SKP1: variants seen among roughly 807,000 people sequenced by gnomAD.
SKP1 encodes the protein S-phase kinase-associated protein 1.
A neutral mutation model predicts 21.5 loss-of-function variants in SKP1; 1 was observed. The observed-to-expected ratio is 0.05, with a 90% CI of 0.02 to 0.22. SKP1 has a LOEUF of 0.22. SKP1 is among the 10% of genes least tolerant of loss of function. The probability of loss-of-function intolerance (pLI) is 1.00; values close to 1 mark genes in which losing one functional copy is unlikely to be tolerated. For synonymous variants in SKP1, 59 were observed against 59.3 expected (o/e 0.99, Z 0.03); for missense variants, 70 against 192.0 (o/e 0.36, Z 3.76).
intron 2 of SKP1, among the ~76,000 whole-genome samples, chr5:134,169,512 A>G (rs1253044031): frequency 6.6e-6 from 1 of 152,254 alleles, no homozygotes; most frequent in Admixed American, 6.5e-5. Context: ...GGAAACATAC[A>G]GAAGACCAGC....
At chr5:134,163,651 G>A (rs1053502220) in intron 3 of SKP1, among the ~76,000 whole-genome samples, 20 of 151,840 alleles carry the variant, frequency 1.3e-4, no homozygotes, top group African/African-American at 4.6e-4. Context: ...TTTGCCAAGT[G>A]TGGTGGCATG....
In SKP1 at chr5:134,154,470, A is replaced by AAAAAC. The variant is rs1761093290; in HGVS notation, c.*3262_*3263insGTTTT. The AAAAAC allele has an allele frequency of 6.6e-6, 1 of 151,466 alleles. No homozygotes were observed. The highest frequency in any genetic ancestry group is 2.4e-5 in the African/African-American group (1 of 41,176). The allele number at this position is 151,466 out of a possible 1,614,324, so 9.4% of individuals were successfully genotyped here. On this transcript the variant is annotated 3_prime_UTR_variant, in exon 6 of 6. Transcript: ENST00000353411. ...CTCAAAAAAAAAAAAAAAAAAAAAA[A>AAAAAC]AATTATTAGAATTTGAGGGGGCACA...
chr5:134,173,235 G>A (rs1761479767), intron 2 of SKP1, among the ~76,000 whole-genome samples: 1 of 152,112 alleles, frequency 6.6e-6, no homozygotes, highest in Non-Finnish European at 1.5e-5. Flanking sequence ...GGGAGGCTGA[G>A]GCAGGAGAAT....
intron 2 of SKP1, among the ~76,000 whole-genome samples, chr5:134,172,261 T>TA (rs1436696737): frequency 6.6e-6 from 1 of 152,090 alleles, no homozygotes; most frequent in Non-Finnish European, 1.5e-5. Context: ...ATGTCTCACT[T>TA]ACCTTCTTTT....
Position 134,153,806 on chromosome 5 carries a change from T to C in SKP1, c.*3927A>G, listed in dbSNP as rs938723147. The C allele has an allele frequency of 1.3e-5, 2 of 152,226 alleles. No individual in the cohort carries two copies. The highest frequency in any genetic ancestry group is 2.9e-5 in the Non-Finnish European group (2 of 68,036). The allele number at this position is 152,226 out of a possible 1,614,324, so 9.4% of individuals were successfully genotyped here. A position where few individuals can be genotyped will look rare whatever the true frequency, so the allele number is the denominator to read the frequency against. On this transcript the variant is annotated 3_prime_UTR_variant, in exon 6 of 6. Coordinates refer to ENST00000353411, the MANE Select transcript of SKP1 (RefSeq NM_170679.3). ...TGAAAAATCAATGTGATTTGGAATA[T>C]CTGCCTGCCCTAAGTGAGATGCCCA... is the stretch of plus-strand genomic sequence containing the variant.
intron 2 of SKP1, among the ~76,000 whole-genome samples, chr5:134,171,988 G>A (rs1242130225): frequency 6.6e-6 from 1 of 152,202 alleles, no homozygotes; most frequent in Admixed American, 6.5e-5. Flanking sequence ...AGGTGGCAGT[G>A]AGCTGAGATT....
At chr5:134,167,093 G>T in intron 3 of SKP1, 77 bp downstream of exon 3, 1 of 721,252 alleles carries the variant, frequency 1.4e-6, no homozygotes, top group South Asian at 1.8e-5. Flanking sequence ...TTCTAACATA[G>T]ATTGTTGAAT....
Position 134,151,617 on chromosome 5 carries a change from G to A in SKP1, c.*6116C>T, listed in dbSNP as rs1371845253. 1 of 454,026 alleles carries A rather than the reference G, an allele frequency of 2.2e-6. No individual in the cohort carries two copies. Among genetic ancestry groups the A allele is most frequent in the Admixed American group, 2.4e-5 (1 of 42,276 alleles). 28.1% of individuals were successfully genotyped at this position (454,026 alleles called of 1,614,324 possible). ...TAGCAGGTTGAAAATTTGAAGTTAAGAGATATCAGAAGGTCTGAATATACT... is the reference window on the plus strand; with the variant it reads ...TAGCAGGTTGAAAATTTGAAGTTAAAAGATATCAGAAGGTCTGAATATACT... On this transcript the variant is annotated 3_prime_UTR_variant, in exon 6 of 6. Transcript: ENST00000353411.
At chr5:134,162,626 A>T (rs1487041403) in intron 3 of SKP1, among the ~76,000 whole-genome samples, 1 of 150,684 alleles carries the variant, frequency 6.6e-6, no homozygotes, top group Non-Finnish European at 1.5e-5. Flanking sequence ...ACCTCAGATG[A>T]TCCACCCCCC....
intron 3 of SKP1, among the ~76,000 whole-genome samples, chr5:134,165,899 A>G (rs1761321572): frequency 6.6e-6 from 1 of 151,012 alleles, no homozygotes; most frequent in Non-Finnish European, 1.5e-5. Context: ...ACAAACACAA[A>G]AAAATTCAGG....
At chr5:134,169,826 C>G (rs1462485034) in intron 2 of SKP1, among the ~76,000 whole-genome samples, 1 of 152,214 alleles carries the variant, frequency 6.6e-6, no homozygotes, top group Non-Finnish European at 1.5e-5. Flanking sequence ...ATGGTGAAAA[C>G]CCGTCTCTAA....
chr5:134,161,352 G>A, intron 3 of SKP1: 1 of 390,580 alleles, frequency 2.6e-6, no homozygotes, highest in Non-Finnish European at 4.5e-6. Context: ...ACAGAGTACT[G>A]TACTTGACTA....
intron 2 of SKP1, chr5:134,171,008 C>T (rs78559533): frequency 0.012 from 5,415 of 456,068 alleles, 251 homozygotes; most frequent in African/African-American, 0.099. Context: ...ACAACATACT[C>T]TTCATTCAAT....
chr5:134,166,910 A>G (rs571147027), intron 3 of SKP1, among the ~76,000 whole-genome samples: 44 of 152,328 alleles, frequency 2.9e-4, no homozygotes, highest in African/African-American at 1.1e-3. Context: ...TTCCTAGGGA[A>G]GTGTTTGCAT....
At chr5:134,166,747 G>A (rs567711332) in intron 3 of SKP1, among the ~76,000 whole-genome samples, 52 of 152,240 alleles carry the variant, frequency 3.4e-4, no homozygotes, top group African/African-American at 1.2e-3. Flanking sequence ...GACTTTAGCC[G>A]TTTCAAAATT....
rs1040507673 is a variant in SKP1 at position 134,155,756 on chromosome 5, C to A, written c.*1977G>T. On this transcript the variant is annotated 3_prime_UTR_variant, in exon 6 of 6. Transcript: ENST00000353411. ...CATGGCATATGGCAGTAATCCTGGACCTTCAGTGAAGATTTGTTTGTCATA... is the reference window on the plus strand; with the variant it reads ...CATGGCATATGGCAGTAATCCTGGAACTTCAGTGAAGATTTGTTTGTCATA... 1 of 152,154 alleles carries A rather than the reference C, an allele frequency of 6.6e-6. No individual in the cohort carries two copies. The highest frequency in any genetic ancestry group is 2.4e-5 in the African/African-American group (1 of 41,430). The allele number at this position is 152,154 out of a possible 1,614,324, so 9.4% of individuals were successfully genotyped here.
Position 134,157,718 on chromosome 5 carries a change from G to A in SKP1, c.*15C>T, listed in dbSNP as rs373257876. On this transcript the variant is annotated 3_prime_UTR_variant, in exon 6 of 6. Coordinates refer to ENST00000353411, the MANE Select transcript of SKP1 (RefSeq NM_170679.3). ...GGAACAATCCTTACAGTGTTACAGTGTCAGGCACAACATTTCACTTCTCTT... is the reference window on the plus strand; with the variant it reads ...GGAACAATCCTTACAGTGTTACAGTATCAGGCACAACATTTCACTTCTCTT... 9 of 1,601,658 alleles carry A rather than the reference G, an allele frequency of 5.6e-6. No homozygotes were observed. Among genetic ancestry groups the A allele is most frequent in the African/African-American group, 1.3e-5 (1 of 74,650 alleles).
intron 2 of SKP1, among the ~76,000 whole-genome samples, chr5:134,167,631 T>C (rs530882282): frequency 3.3e-5 from 5 of 151,894 alleles, no homozygotes; most frequent in Non-Finnish European, 5.9e-5. Context: ...CACACCATTC[T>C]CCTGCCTCAG....
chr5:134,152,177 C>G lies in SKP1; in HGVS notation c.*5556G>C, dbSNP rs1367927170. On this transcript the variant is annotated 3_prime_UTR_variant, in exon 6 of 6. Transcript: ENST00000353411. ...TCAAAAGACTGGTTTAGTTGAACAG[C>G]CAAAAAATAAATAAATAAAAATTAA... The G allele has an allele frequency of 6.6e-6, 1 of 151,746 alleles. No homozygotes were observed. Among genetic ancestry groups the G allele is most frequent in the Non-Finnish European group, 1.5e-5 (1 of 67,978 alleles). The allele number at this position is 151,746 out of a possible 1,614,324, so 9.4% of individuals were successfully genotyped here. A position where few individuals can be genotyped will look rare whatever the true frequency, so the allele number is the denominator to read the frequency against.
Sources: allele counts gnomAD v4.1 joint callset (sites outside exome capture counted in the v4.1 genomes callset), GRCh38; gene constraint gnomAD v4.1.1; transcripts MANE v1.5; gene names NCBI Gene and HGNC (gene_info 2026-07-23, HGNC 2026-07-21).